The following ANKS1B variants were observed in gnomAD, a reference collection of about 807,000 sequenced individuals.
The protein encoded by ANKS1B is ankyrin repeat and sterile alpha motif domain containing 1B.
In ANKS1B, 36 loss-of-function variants were observed where a neutral mutation model predicts 148.3. The observed-to-expected ratio is 0.24, with a 90% CI of 0.19 to 0.32. ANKS1B has a LOEUF of 0.32. Ranked by LOEUF, ANKS1B falls within the 10% of genes least tolerant of loss-of-function variation. The pLI is 1.00. For missense variants in ANKS1B, 1,157 were observed against 1,542.6 expected (o/e 0.75, Z 4.19); for synonymous variants, 542 against 560.8 (o/e 0.97, Z 0.47).
At chr12:99,782,149 TA>T in intron 4 of ANKS1B, 52 bp from the exon 5 acceptor site, 1 of 1,407,730 alleles carries the variant, frequency 7.1e-7, no homozygotes, top group Non-Finnish European at 9.7e-7. Flanking sequence ...TTGGAATGCT[TA>T]CAGGTTGAAA....
At chr12:99,627,348 A>T (rs1435202489) in intron 9 of ANKS1B, among the ~76,000 whole-genome samples, 1 of 152,212 alleles carries the variant, frequency 6.6e-6, no homozygotes, top group African/African-American at 2.4e-5. Flanking sequence ...TCCTTTAGCT[A>T]TAATAAAGGC....
intron 17 of ANKS1B, among the ~76,000 whole-genome samples, chr12:99,016,640 A>C (rs983166106): frequency 6.6e-6 from 1 of 152,192 alleles, no homozygotes; most frequent in African/African-American, 2.4e-5. Context: ...TGGGTGACAG[A>C]GTGAGGCTTT....
intron 17 of ANKS1B, among the ~76,000 whole-genome samples, chr12:98,933,656 T>A (rs1272351152): frequency 2.0e-5 from 3 of 152,012 alleles, no homozygotes; most frequent in Admixed American, 2.0e-4. Flanking sequence ...ATTCTTGACA[T>A]TTGGTGTCTT....
chr12:98,874,229 T>C (rs1017017335), intron 17 of ANKS1B, among the ~76,000 whole-genome samples: 2 of 151,954 alleles, frequency 1.3e-5, no homozygotes, highest in African/African-American at 4.8e-5. Flanking sequence ...TGCAATATTG[T>C]GAGAGCAATA....
At chr12:99,730,314 C>A (rs2059010050) in intron 8 of ANKS1B, among the ~76,000 whole-genome samples, 1 of 142,010 alleles carries the variant, frequency 7.0e-6, no homozygotes, top group African/African-American at 2.6e-5. Flanking sequence ...AATCTCAAGT[C>A]AAGTCAAGTT....
intron 1 of ANKS1B, among the ~76,000 whole-genome samples, chr12:99,927,665 C>A (rs1273208586): frequency 1.3e-5 from 2 of 152,054 alleles, no homozygotes; most frequent in Non-Finnish European, 2.9e-5. Flanking sequence ...ACCTGTAATA[C>A]CAGCACTTTG....
At chr12:99,424,962 G>A (rs1567075869) in intron 11 of ANKS1B, among the ~76,000 whole-genome samples, 1 of 151,944 alleles carries the variant, frequency 6.6e-6, no homozygotes, top group Non-Finnish European at 1.5e-5. Flanking sequence ...CCTGTAACCA[G>A]CCGTTTCTGA....
chr12:99,343,421 C>A (rs941762102), intron 12 of ANKS1B, among the ~76,000 whole-genome samples: 5 of 152,040 alleles, frequency 3.3e-5, no homozygotes, highest in Admixed American at 6.6e-5. Context: ...TATTACTTTT[C>A]TTTATCTCAT....
At chr12:99,061,491 C>T (rs529630208) in intron 16 of ANKS1B, among the ~76,000 whole-genome samples, 1 of 152,338 alleles carries the variant, frequency 6.6e-6, no homozygotes, top group East Asian at 1.9e-4. Flanking sequence ...GATGCTAATG[C>T]TGTCAGCCCA....
intron 1 of ANKS1B, among the ~76,000 whole-genome samples, chr12:99,903,624 T>G (rs1390420027): frequency 6.6e-6 from 1 of 152,150 alleles, no homozygotes; most frequent in African/African-American, 2.4e-5. Context: ...AAAGTTAATT[T>G]TAATAATACA....
intron 8 of ANKS1B, among the ~76,000 whole-genome samples, chr12:99,746,393 C>T (rs912321217): frequency 1.3e-5 from 2 of 152,168 alleles, no homozygotes; most frequent in Non-Finnish European, 2.9e-5. Flanking sequence ...ATTCCATTTA[C>T]CAATGTCATC....
At chr12:98,761,275 A>C (rs1029617390) in intron 25 of ANKS1B, among the ~76,000 whole-genome samples, 65 of 152,266 alleles carry the variant, frequency 4.3e-4, no homozygotes, top group African/African-American at 1.5e-3. Flanking sequence ...TTGGAGATTC[A>C]CTGTACAAAT....
intron 17 of ANKS1B, among the ~76,000 whole-genome samples, chr12:98,955,969 A>T (rs1384191004): frequency 1.3e-5 from 2 of 152,188 alleles, no homozygotes; most frequent in Non-Finnish European, 2.9e-5. Context: ...GCACTTTGGG[A>T]TGTGACATTG....
At chr12:99,023,881 T>A (rs551920694) in intron 17 of ANKS1B, among the ~76,000 whole-genome samples, 1 of 149,546 alleles carries the variant, frequency 6.7e-6, no homozygotes, top group African/African-American at 2.4e-5. Context: ...ACATGTGTAT[T>A]TATATGCATA....
At chr12:99,001,814 C>A (rs1031355438) in intron 17 of ANKS1B, among the ~76,000 whole-genome samples, 9 of 152,188 alleles carry the variant, frequency 5.9e-5, no homozygotes, top group Admixed American at 4.6e-4. Context: ...ATTTCTCCTA[C>A]CTCTGGATCT....
intron 14 of ANKS1B, among the ~76,000 whole-genome samples, chr12:99,232,753 T>C (rs771323403): frequency 1.3e-5 from 2 of 152,196 alleles, no homozygotes; most frequent in African/African-American, 4.8e-5. Context: ...TGAGTAATTA[T>C]ACCTTAACTA....
intron 1 of ANKS1B, among the ~76,000 whole-genome samples, chr12:99,965,904 T>C (rs2095479153): frequency 1.3e-5 from 2 of 152,122 alleles, no homozygotes; most frequent in Non-Finnish European, 2.9e-5. Flanking sequence ...AAAGTGAGAC[T>C]GCATCTCCGA....
In ANKS1B at chr12:99,880,345, C is replaced by T. The variant is rs144724917; in HGVS notation, c.135-54956G>A. On this transcript the variant is annotated intron_variant, in intron 1 of 26. Coordinates refer to ENST00000683438, the MANE Select transcript of ANKS1B (RefSeq NM_001352186.2). The stretch of plus-strand genomic sequence containing the variant: ...AATAACTTGCCCAAGGTCACACGGC[C>T]AAAAGTAGATAACAGGGATTCAATC... Among the ~76,000 whole-genome samples the T allele has an allele frequency of 4.0e-4, 61 of 152,246 alleles. 1 individual carries two copies. The highest frequency in any genetic ancestry group is 1.4e-3 in the African/African-American group (58 of 41,544).
chr12:99,333,854 G>GTTTTTTTTTTTTTTTTTTTTTTTTTT (rs10526476), intron 12 of ANKS1B, among the ~76,000 whole-genome samples: 2 of 107,484 alleles, frequency 1.9e-5, no homozygotes, highest in African/African-American at 8.0e-5. Flanking sequence ...CCAGTTCTCA[G>GTTTTTTTTTTTTTTTTTTTTTTTTTT]TTTTTTTTTT....
Sources: allele counts gnomAD v4.1 joint callset (sites outside exome capture counted in the v4.1 genomes callset), GRCh38; gene constraint gnomAD v4.1.1; transcripts MANE v1.5; gene names NCBI Gene and HGNC (gene_info 2026-07-23, HGNC 2026-07-21).